Variants in LSM12 observed in about 807,000 individuals in gnomAD.
LSM12 encodes LSM12 homolog.
For synonymous variants in LSM12, 74 were observed against 87.3 expected (o/e 0.85, Z 0.85); for missense variants, 108 against 238.9 (o/e 0.45, Z 3.61).
At chr17:44,064,732 C>CAA (rs879636307) in intron 1 of LSM12, among the ~76,000 whole-genome samples, 18 of 63,452 alleles carry the variant, frequency 2.8e-4, no homozygotes, top group Non-Finnish European at 3.8e-4. Flanking sequence ...GACTCCGTCT[C>CAA]AAAAAAAAAA....
intron 2 of LSM12, among the ~76,000 whole-genome samples, chr17:44,042,958 C>G: frequency 6.6e-6 from 1 of 152,302 alleles, no homozygotes; most frequent in Non-Finnish European, 1.5e-5. Flanking sequence ...CCACCTCAGC[C>G]TCCCAAAGTG....
At position 44,040,269 on chromosome 17, in the gene LSM12, A is replaced by G. The variant is rs2049470673; in HGVS notation, c.259-13T>C. ...CTTTGCTGGCAAGCTAGGGTGGAAG[A>G]GAGGAAAGAGACTCAGAATAGGATT... On this transcript the variant is annotated splice_polypyrimidine_tract_variant and intron_variant, in intron 2 of 4. Transcript: ENST00000293406. 1 of 1,592,990 alleles carries G rather than the reference A, an allele frequency of 6.3e-7. No individual in the cohort carries two copies. The highest frequency in any genetic ancestry group is 8.6e-7 in the Non-Finnish European group (1 of 1,161,482).
At chr17:44,039,676 C>T (rs908986002) in intron 3 of LSM12, among the ~76,000 whole-genome samples, 6 of 152,178 alleles carry the variant, frequency 3.9e-5, no homozygotes, top group Admixed American at 1.3e-4. Context: ...CCACCGCGCC[C>T]GGCCCCAAAA....
intron 2 of LSM12, among the ~76,000 whole-genome samples, chr17:44,051,308 T>C (rs1313317244): frequency 2.7e-5 from 4 of 149,784 alleles, no homozygotes; most frequent in African/African-American, 9.9e-5. Context: ...GGAGAATCGC[T>C]TGAACCTGGG....
At chr17:44,050,070 G>A (rs908669162) in intron 2 of LSM12, among the ~76,000 whole-genome samples, 1 of 152,104 alleles carries the variant, frequency 6.6e-6, no homozygotes, top group African/African-American at 2.4e-5. Flanking sequence ...TTTTGAATCT[G>A]GGGTAGGCTC....
At position 44,063,798 on chromosome 17, in the gene LSM12, T is replaced by C. The variant is rs1356825837; in HGVS notation, c.258+3A>G. The C allele has an allele frequency of 6.2e-7, 1 of 1,613,312 alleles. No homozygotes were observed. The highest frequency in any genetic ancestry group is 8.5e-7 in the Non-Finnish European group (1 of 1,179,814). On this transcript the variant is annotated splice_donor_region_variant and intron_variant, in intron 2 of 4. Transcript: ENST00000293406. The stretch of plus-strand genomic sequence containing the variant: ...AGAGCCAGATCTGCCCTTGAGTCCT[T>C]ACCTTACTAACATTGAGTGAAGCTA...
Position 44,066,541 on chromosome 17 carries a change from G to C in LSM12, c.47C>G (p.Ser16Trp), listed in dbSNP as rs2049880661. The change falls in exon 1 of 5, where the codon TCG becomes TGG. Residue 16 changes from serine to tryptophan, a missense_variant. Transcript: ENST00000293406. The part of the protein sequence containing the change: ...GEYFSVGSQV[S>W]CRTCQEQRLQ... ...CCGCTGCTCCTGGCACGTCCGGCAC[G>C]ACACCTGGCTCCCAACGCTGAAGTA... 6.6e-7 allele frequency: 1 copy of C among 1,515,574 alleles called. No individual in the cohort carries two copies. Among genetic ancestry groups the C allele is most frequent in the East Asian group, 2.8e-5 (1 of 35,790 alleles). 93.9% of individuals were successfully genotyped at this position (1,515,574 alleles called of 1,614,324 possible). A position where few individuals can be genotyped will look rare whatever the true frequency, so the allele number is the denominator to read the frequency against.
At position 44,066,624 on chromosome 17, in the gene LSM12, A is replaced by T; in HGVS notation, c.-37T>A. On this transcript the variant is annotated 5_prime_UTR_variant, in exon 1 of 5. Transcript: ENST00000293406. ...AGCCGCGGCCGGCGGCGGCGGCGGC[A>T]GCAGCGGGCGAAAGCCGGGCCCCCA... 3 of 1,314,494 alleles carry T rather than the reference A, an allele frequency of 2.3e-6. No individual in the cohort carries two copies. Among genetic ancestry groups the T allele is most frequent in the Non-Finnish European group, 2.9e-6 (3 of 1,028,576 alleles). 81.4% of individuals were successfully genotyped at this position (1,314,494 alleles called of 1,614,324 possible). A position where few individuals can be genotyped will look rare whatever the true frequency, so the allele number is the denominator to read the frequency against.
Position 44,058,838 on chromosome 17 carries a change from A to G in LSM12, c.258+4963T>C, listed in dbSNP as rs181677212. 5.9e-3 allele frequency among the ~76,000 whole-genome samples: 901 copies of G among 152,110 alleles called. 11 individuals carry two copies. The highest frequency in any genetic ancestry group is 0.021 in the African/African-American group (852 of 41,478). On this transcript the variant is annotated intron_variant, in intron 2 of 4. Transcript: ENST00000293406. ...CAACAGGGCAAGACTCCATCTCAAA[A>G]AAGAAAGAAAAATTAGCCAGGTGTG...
At chr17:44,062,529 T>C (rs1356172598) in intron 2 of LSM12, among the ~76,000 whole-genome samples, 3 of 152,106 alleles carry the variant, frequency 2.0e-5, no homozygotes, top group African/African-American at 7.2e-5. Context: ...GCACAGGCTA[T>C]GACAGGGCTT....
chr17:44,037,370 A>G lies in LSM12; in HGVS notation c.495+42T>C, dbSNP rs2049429863. On this transcript the variant is annotated intron_variant, in intron 4 of 4. Transcript: ENST00000293406. Reference sequence around the variant, plus strand: ...GTGCTAAAGACTGAAGGCCTGAGGAACCATCCTCTCTCCCCTAAAGTCTGA... The same window carrying G: ...GTGCTAAAGACTGAAGGCCTGAGGAGCCATCCTCTCTCCCCTAAAGTCTGA... 3 of 1,540,088 alleles carry G rather than the reference A, an allele frequency of 1.9e-6. No individual in the cohort carries two copies. In the East Asian group the frequency reaches 7.0e-5, roughly 36 times the overall value.
intron 1 of LSM12, 113 bp downstream of exon 1, chr17:44,066,342 CGCCGCGGTA>C: frequency 1.5e-6 from 2 of 1,304,914 alleles, no homozygotes; most frequent in Non-Finnish European, 2.0e-6. Context: ...GCGCCCCGGG[CGCCGCGGTA>C]GCCGGTCGCC....
intron 2 of LSM12, among the ~76,000 whole-genome samples, chr17:44,062,285 G>A (rs1057191402): frequency 1.4e-5 from 2 of 141,834 alleles, no homozygotes; most frequent in Non-Finnish European, 3.0e-5. Context: ...TTGTCCCTGT[G>A]TAAAATAAAA....
chr17:44,047,872 C>A (rs2049590153), intron 2 of LSM12, among the ~76,000 whole-genome samples: 2 of 151,940 alleles, frequency 1.3e-5, no homozygotes, highest in Non-Finnish European at 2.9e-5. Context: ...CATAAACCAC[C>A]AAGCCCGGGC....
intron 2 of LSM12, among the ~76,000 whole-genome samples, chr17:44,049,454 T>A (rs942743904): frequency 6.6e-6 from 1 of 152,024 alleles, no homozygotes; most frequent in African/African-American, 2.4e-5. Context: ...CTTTTTTTTA[T>A]TTTTGTAGAG....
intron 2 of LSM12, among the ~76,000 whole-genome samples, chr17:44,057,071 G>A (rs1377977896): frequency 1.3e-5 from 2 of 151,910 alleles, no homozygotes. Context: ...CAGGAGAACT[G>A]CTTTAGCACA....
At chr17:44,060,300 C>T (rs2049779855) in intron 2 of LSM12, among the ~76,000 whole-genome samples, 2 of 152,192 alleles carry the variant, frequency 1.3e-5, no homozygotes, top group South Asian at 4.1e-4. Flanking sequence ...AAATGATCCT[C>T]CATCTTAAGA....
Position 44,066,633 on chromosome 17 carries a change from C to T in LSM12, c.-46G>A, listed in dbSNP as rs2049883642. ...CGGCGGCGGCGGCGGCAGCAGCGGGCGAAAGCCGGGCCCCCAGTGAGCGCC... is the reference window on the plus strand; with the variant it reads ...CGGCGGCGGCGGCGGCAGCAGCGGGTGAAAGCCGGGCCCCCAGTGAGCGCC... On this transcript the variant is annotated 5_prime_UTR_variant, in exon 1 of 5. Transcript: ENST00000293406. 3.8e-6 allele frequency: 5 copies of T among 1,304,612 alleles called. No individual in the cohort carries two copies. Among genetic ancestry groups the T allele is most frequent in the Non-Finnish European group, 3.9e-6 (4 of 1,023,304 alleles). The allele number at this position is 1,304,612 out of a possible 1,614,324, so 80.8% of individuals were successfully genotyped here. A position where few individuals can be genotyped will look rare whatever the true frequency, so the allele number is the denominator to read the frequency against.
rs1351757119 is a variant in LSM12 at position 44,042,052 on chromosome 17, C to G, written c.259-1796G>C. 3.9e-5 allele frequency among the ~76,000 whole-genome samples: 6 copies of G among 152,192 alleles called. No homozygotes were observed. In the East Asian group the frequency reaches 1.2e-3, roughly 30 times the overall value. ...CTATAATCCCAGTACTTTGTGAGGC[C>G]GAGGCAGGCGGATCACCTGAGGTCA... On this transcript the variant is annotated intron_variant, in intron 2 of 4. Coordinates refer to ENST00000293406, the MANE Select transcript of LSM12 (RefSeq NM_001371445.1).
Sources: gnomAD v4.1 joint callset for allele counts (sites outside exome capture counted in the v4.1 genomes callset) on GRCh38, gnomAD v4.1.1 for gene constraint, MANE v1.5 for transcripts, NCBI Gene and HGNC (gene_info 2026-07-23, HGNC 2026-07-21) for gene names.